Variants in NHSL1 observed in about 807,000 individuals in gnomAD.
NHSL1 encodes the protein NHS-like protein 1.
In NHSL1, 48 loss-of-function variants were observed where a neutral mutation model predicts 95.0. The observed-to-expected ratio is 0.51, with a 90% CI of 0.40 to 0.64. The LOEUF is 0.64. Ranked by LOEUF, NHSL1 falls within the 30% of genes least tolerant of loss-of-function variation. The probability of loss-of-function intolerance (pLI) is 0.00; values close to 1 mark genes in which losing one functional copy is unlikely to be tolerated. For missense variants in NHSL1, 1,971 were observed against 2,077.7 expected (o/e 0.95, Z 1.00); for synonymous variants, 783 against 833.9 (o/e 0.94, Z 1.05).
chr6:138,436,131 G>A (rs992037582), intron 5 of NHSL1, among the ~76,000 whole-genome samples: 9 of 152,142 alleles, frequency 5.9e-5, no homozygotes, highest in African/African-American at 2.2e-4. Flanking sequence ...GGGTTCAAGC[G>A]AAAGGAAGAG....
At chr6:138,505,548 G>A (rs1485016503) in intron 1 of NHSL1, among the ~76,000 whole-genome samples, 3 of 151,672 alleles carry the variant, frequency 2.0e-5, no homozygotes, top group Non-Finnish European at 4.4e-5. Context: ...TCAGCTACTC[G>A]GGAGGCTGAG....
intron 3 of NHSL1, chr6:138,464,303 T>C (rs1778200967): frequency 1.4e-6 from 1 of 700,724 alleles, no homozygotes; most frequent in Non-Finnish European, 2.5e-6. Flanking sequence ...GTGGGCGGAC[T>C]GGGCCCTCAG....
intron 1 of NHSL1, among the ~76,000 whole-genome samples, chr6:138,593,561 A>G (rs539940897): frequency 6.6e-6 from 1 of 152,396 alleles, no homozygotes; most frequent in East Asian, 1.9e-4. Context: ...TCTAGCCCTT[A>G]GCACTCAAAA....
chr6:138,465,054 CAAA>C (rs35195031), intron 3 of NHSL1, among the ~76,000 whole-genome samples: 10 of 100,964 alleles, frequency 9.9e-5, no homozygotes, highest in Admixed American at 2.8e-4. Flanking sequence ...TGTATGCCTT[CAAA>C]AAAAAAAAAA....
At chr6:138,537,953 T>C (rs1782426421) in intron 1 of NHSL1, among the ~76,000 whole-genome samples, 1 of 152,160 alleles carries the variant, frequency 6.6e-6, no homozygotes, top group South Asian at 2.1e-4. Context: ...GTAGGAACAG[T>C]GACTGGCACA....
intron 1 of NHSL1, among the ~76,000 whole-genome samples, chr6:138,510,736 CA>C (rs1183076874): frequency 6.6e-6 from 1 of 152,160 alleles, no homozygotes; most frequent in East Asian, 1.9e-4. Flanking sequence ...CATATTCGTT[CA>C]CTGATTTTTC....
intron 1 of NHSL1, among the ~76,000 whole-genome samples, chr6:138,671,347 G>A (rs1199094923): frequency 1.3e-5 from 2 of 151,820 alleles, no homozygotes; most frequent in Non-Finnish European, 2.9e-5. Context: ...CTACTCGGGA[G>A]GCTGAGGCAG....
Position 138,542,811 on chromosome 6 carries a change from T to G in NHSL1, c.16+2812A>C, listed in dbSNP as rs1782634752. On this transcript the variant is annotated intron_variant, in intron 1 of 4. Transcript: ENST00000342260. ...CAGGGTCTCACTCTATTGCCCAGGC[T>G]AGAGTGCAGGGGCACAATCATGACT... 5.9e-5 allele frequency among the ~76,000 whole-genome samples: 9 copies of G among 152,344 alleles called. No individual in the cohort carries two copies. In the South Asian group the frequency reaches 1.9e-3, roughly 32 times the overall value.
intron 1 of NHSL1, among the ~76,000 whole-genome samples, chr6:138,552,961 C>T (rs1783064952): frequency 6.6e-6 from 1 of 152,144 alleles, no homozygotes; most frequent in Admixed American, 6.6e-5. Context: ...CTCCTTGGTA[C>T]CTTTGTAGTT....
intron 1 of NHSL1, among the ~76,000 whole-genome samples, chr6:138,619,385 G>A (rs1784623652): frequency 6.6e-6 from 1 of 152,138 alleles, no homozygotes; most frequent in Non-Finnish European, 1.5e-5. Flanking sequence ...GATTTCCCAA[G>A]ACCAAGACCT....
Position 138,520,771 on chromosome 6 carries a change from C to T in NHSL1, c.17-24400G>A, listed in dbSNP as rs142980921. On this transcript the variant is annotated intron_variant, in intron 1 of 4. Transcript: ENST00000342260. ...ACAAACACATGGGCTTCAACCAGAT[C>T]TCTTTGGCCACTGTGTGGAGAACAG... is the stretch of plus-strand genomic sequence containing the variant. Among the ~76,000 whole-genome samples, 3 of 152,320 alleles carry T rather than the reference C, an allele frequency of 2.0e-5. No homozygotes were observed. The East Asian group carries it at 5.8e-4, about 29-fold the overall frequency.
chr6:138,650,324 G>C (rs948134397), intron 1 of NHSL1: 21 of 870,924 alleles, frequency 2.4e-5, no homozygotes, highest in Non-Finnish European at 3.6e-5. Flanking sequence ...AGTGAATCCA[G>C]GATTTGAACA....
At chr6:138,486,078 G>A (rs1032247927) in intron 2 of NHSL1, among the ~76,000 whole-genome samples, 3 of 152,066 alleles carry the variant, frequency 2.0e-5, no homozygotes, top group African/African-American at 7.2e-5. Flanking sequence ...CCTCCGCTTT[G>A]CCCTGAGTTG....
chr6:138,430,948 A>C lies in NHSL1; in HGVS notation c.3397T>G (p.Ser1133Ala). ...NEMESESQPA[S>A]VTSSLPTPAK... is the part of the protein sequence containing the mutation. ...GGCGTCGGAAGCGAGCTTGTCACAG[A>C]GGCAGGCTGGCTTTCACTCTCCATT... is the stretch of plus-strand genomic sequence containing the variant. Residue 1133 changes from serine (S) to alanine (A), a missense_variant, in exon 6 of 8, where the codon TCT (serine) becomes GCT (alanine). Transcript: ENST00000343505. This position sits in a 1 kb window ranked among gnomAD's most constrained non-coding sequence, Gnocchi z 4.7. 6.4e-7 allele frequency: 1 copy of C among 1,551,714 alleles called. No homozygotes were observed. The highest frequency in any genetic ancestry group is 8.7e-7 in the Non-Finnish European group (1 of 1,146,924).
At chr6:138,617,258 G>A (rs1784592794) in intron 1 of NHSL1, among the ~76,000 whole-genome samples, 1 of 152,136 alleles carries the variant, frequency 6.6e-6, no homozygotes, top group African/African-American at 2.4e-5. Context: ...TGGCTAATCA[G>A]AGACGGAAAG....
At position 138,451,032 on chromosome 6, in the gene NHSL1, C is replaced by A. The variant is rs558162090; in HGVS notation, c.340-3839G>T. 3.3e-5 allele frequency among the ~76,000 whole-genome samples: 5 copies of A among 152,252 alleles called. No individual in the cohort carries two copies. The East Asian group carries it at 7.7e-4, about 24-fold the overall frequency. ...AATAGTCTACTCTCAATACAGCAGG[C>A]GAAGGAATCCTTTTAGAAATGTAAG... On this transcript the variant is annotated intron_variant, in intron 3 of 7. Transcript: ENST00000343505.
chr6:138,560,962 C>T (rs1384404803), intron 1 of NHSL1, among the ~76,000 whole-genome samples: 1 of 152,146 alleles, frequency 6.6e-6, no homozygotes, highest in Non-Finnish European at 1.5e-5. Flanking sequence ...AAAGACAAAA[C>T]TCAAGTGATA....
intron 1 of NHSL1, chr6:138,571,474 G>A: frequency 2.1e-6 from 1 of 487,338 alleles, no homozygotes; most frequent in Middle Eastern, 5.6e-4. Flanking sequence ...AGGCTGCCGA[G>A]AACAAATAAC....
intron 1 of NHSL1, among the ~76,000 whole-genome samples, chr6:138,642,223 A>C (rs552918277): frequency 2.0e-5 from 3 of 152,320 alleles, no homozygotes; most frequent in African/African-American, 7.2e-5. Context: ...AAAATTAAAA[A>C]TTAAAATTTT....
Sources: allele counts gnomAD v4.1 joint callset (sites outside exome capture counted in the v4.1 genomes callset), GRCh38; gene constraint gnomAD v4.1.1; non-coding constraint Gnocchi (gnomAD v3.1); transcripts MANE v1.5; gene names NCBI Gene and HGNC (gene_info 2026-07-23, HGNC 2026-07-21).